MYO15A: variants seen among roughly 807,000 people sequenced by gnomAD.
MYO15A encodes the protein myosin XVA.
MYO15A carries 308 observed loss-of-function variants against 394.6 expected under a neutral mutation model. That is an observed-to-expected ratio of 0.78 (90% CI 0.71 to 0.86). MYO15A has a LOEUF of 0.86. Ranked by LOEUF, MYO15A falls within the 40% of genes least tolerant of loss-of-function variation. MYO15A has a pLI of 0.00. For missense variants in MYO15A, 4,606 were observed against 4,799.1 expected (o/e 0.96, Z 1.19); for synonymous variants, 1,957 against 2,003.8 (o/e 0.98, Z 0.62).
intron 2 of MYO15A, chr17:18,123,815 A>G (rs2045982930): frequency 6.4e-6 from 1 of 157,178 alleles, no homozygotes; most frequent in South Asian, 1.9e-4. Context: ...ACTTCCATTC[A>G]CCAGACCCCC....
intron 62 of MYO15A, among the ~76,000 whole-genome samples, chr17:18,168,370 C>A (rs2046886642): frequency 1.3e-5 from 2 of 151,852 alleles, no homozygotes; most frequent in Non-Finnish European, 2.9e-5. Flanking sequence ...TCGAGACCAT[C>A]CTGGCTAACA....
chr17:18,174,836 T>C (rs2046991626), intron 65 of MYO15A, among the ~76,000 whole-genome samples: 1 of 152,186 alleles, frequency 6.6e-6, no homozygotes. Flanking sequence ...GGGCCTGTCT[T>C]GGAGGGGGTG....
intron 8 of MYO15A, 144 bp downstream of exon 8, chr17:18,130,954 T>C: frequency 1.0e-6 from 1 of 953,708 alleles, no homozygotes; most frequent in Non-Finnish European, 1.6e-6. Context: ...AGGCCTGTCC[T>C]AGGCAGGGCT....
rs183980256 is a variant in MYO15A at position 18,146,711 on chromosome 17, G to A, written c.6509+604G>A. On this transcript the variant is annotated intron_variant, in intron 30 of 65. Coordinates refer to ENST00000647165, the MANE Select transcript of MYO15A (RefSeq NM_016239.4). Reference sequence around the variant, plus strand: ...AGGCCAAGATGGGAGGATCGCTTGAGCCCAGGAGTTGAAGACCAGCCTGGA... The same window carrying A: ...AGGCCAAGATGGGAGGATCGCTTGAACCCAGGAGTTGAAGACCAGCCTGGA... Among the ~76,000 whole-genome samples, 4 of 152,324 alleles carry A rather than the reference G, an allele frequency of 2.6e-5. No individual in the cohort carries two copies. In the East Asian group the frequency reaches 5.8e-4, roughly 22 times the overall value.
At chr17:18,149,916 G>A in intron 35 of MYO15A, 1 of 367,964 alleles carries the variant, frequency 2.7e-6, no homozygotes, top group South Asian at 2.8e-5. Flanking sequence ...TTGCACCACT[G>A]TGCTCCAGCC....
In MYO15A at chr17:18,133,258, G is replaced by T. The variant is rs752313077; in HGVS notation, c.4354G>T (p.Ala1452Ser). 1 of 1,614,088 alleles carries T rather than the reference G, an allele frequency of 6.2e-7. No homozygotes were observed. The highest frequency in any genetic ancestry group is 1.3e-5 in the African/African-American group (1 of 74,930). ...GNCEIAGKSD[A>S]DDFRRLLAAM... is the part of the protein sequence containing the mutation. ...CTGTGAGATAGCAGGAAAGAGCGATGCAGATGACTTTCGCCGGCTCCTGGC... is the reference window on the plus strand; with the variant it reads ...CTGTGAGATAGCAGGAAAGAGCGATTCAGATGACTTTCGCCGGCTCCTGGC... Residue 1452 changes from alanine (A) to serine (S), a missense_variant, in exon 12 of 66, where the codon GCA becomes TCA. Physicochemically the swap from Ala to Ser is moderately conservative, Grantham distance 99 (BLOSUM62 1). Around this residue, in one of 2 missense-constraint regions of MYO15A, gnomAD observed 2,776 missense variants for 3,109.3 expected, o/e 0.89. Coordinates refer to ENST00000647165, the MANE Select transcript of MYO15A (RefSeq NM_016239.4).
chr17:18,118,997 G>A lies in MYO15A; in HGVS notation c.197G>A (p.Gly66Asp). The change falls in exon 2 of 66, where the codon GGC (glycine) becomes GAC (aspartate). Residue 66 changes from glycine to aspartate, a missense_variant. Transcript: ENST00000647165. ...GCCTTCTTCTGGGGCCTCCACACCG[G>A]CCCCCAGAAGACCAAGCGCAAGAGG... ...ASAFFWGLHT[G>D]PQKTKRKRKA... 6.2e-7 allele frequency: 1 copy of A among 1,612,826 alleles called. No individual in the cohort carries two copies. Among genetic ancestry groups the A allele is most frequent in the Non-Finnish European group, 8.5e-7 (1 of 1,179,924 alleles).
intron 47 of MYO15A, 56 bp downstream of exon 47, chr17:18,155,488 G>T: frequency 6.7e-7 from 1 of 1,485,726 alleles, no homozygotes; most frequent in Middle Eastern, 1.8e-4. Flanking sequence ...GACTGGCATC[G>T]GCATTTCCTT....
At position 18,119,614 on chromosome 17, in the gene MYO15A, C is replaced by T; in HGVS notation, c.814C>T (p.Pro272Ser). The change falls in exon 2 of 66, where the codon CCA becomes TCA. Residue 272 changes from proline to serine, a missense_variant. By Grantham distance (74) the Pro-to-Ser change is moderately conservative. Coordinates refer to ENST00000647165, the MANE Select transcript of MYO15A (RefSeq NM_016239.4). ...CCTCGGCCCCTACAGCCCGGCCTGG[C>T]CACCCTACGGCGACCACTACTACGG... ...AGLGPYSPAW[P>S]PYGDHYYGYP... 1 of 1,603,416 alleles carries T rather than the reference C, an allele frequency of 6.2e-7. No homozygotes were observed. Among genetic ancestry groups the T allele is most frequent in the Non-Finnish European group, 8.5e-7 (1 of 1,179,906 alleles).
chr17:18,137,916 C>G, intron 16 of MYO15A, 199 bp from the exon 17 acceptor site: 1 of 867,620 alleles, frequency 1.2e-6, no homozygotes, highest in Non-Finnish European at 1.8e-6. Context: ...TTCTCCTCTA[C>G]TGGGCTGTCC....
intron 1 of MYO15A, among the ~76,000 whole-genome samples, 177 bp from the exon 2 acceptor site, chr17:18,118,405 C>A (rs1032007970): frequency 1.3e-5 from 2 of 152,174 alleles, no homozygotes; most frequent in Non-Finnish European, 2.9e-5. Flanking sequence ...CCGAAGTGAC[C>A]CAAGGGCTCC....
rs1352011087 is a variant in MYO15A, at chr17:18,154,111, C to T, written c.8089-20C>T. ...CCAGGGGGCAGTCGGACAGTACCCA[C>T]TGAAGCCCCGCCCCTGCAGGTGTTT... is the stretch of plus-strand genomic sequence containing the variant. On this transcript the variant is annotated intron_variant, in intron 43 of 65. Transcript: ENST00000647165. 3 of 1,613,804 alleles carry T rather than the reference C, an allele frequency of 1.9e-6. No homozygotes were observed. Among genetic ancestry groups the T allele is most frequent in the Non-Finnish European group, 2.5e-6 (3 of 1,179,992 alleles).
rs1279357381 is a variant in MYO15A at position 18,148,467 on chromosome 17, A to G, written c.6692-29A>G. 6.4e-7 allele frequency: 1 copy of G among 1,551,372 alleles called. No individual in the cohort carries two copies. The highest frequency in any genetic ancestry group is 1.7e-4 in the Middle Eastern group (1 of 5,878). The stretch of plus-strand genomic sequence containing the variant: ...AGCCAAACTGGACTCAGATGCTCCA[A>G]CCTGAGCCCGGCACCTGCTGCGCCC... On this transcript the variant is annotated intron_variant, in intron 31 of 65. Coordinates refer to ENST00000647165, the MANE Select transcript of MYO15A (RefSeq NM_016239.4). This position sits in a 1 kb window ranked among gnomAD's most constrained non-coding sequence, Gnocchi z 4.8.
Position 18,119,686 on chromosome 17 carries a change from G to T in MYO15A, c.886G>T (p.Gly296Cys), listed in dbSNP as rs755830662. ...CGACTACTACCACCCCGACTATTACGGTGGCCCCTTTGATCCGGGGTACAC... is the reference window on the plus strand; with the variant it reads ...CGACTACTACCACCCCGACTATTACTGTGGCCCCTTTGATCCGGGGTACAC... The part of the protein sequence containing the change: ...PYDYYHPDYY[G>C]GPFDPGYTYG... The change falls in exon 2 of 66, where the codon GGT (glycine) becomes TGT (cysteine). Residue 296 changes from glycine (G) to cysteine (C), a missense_variant. By Grantham distance (159) the Gly-to-Cys change is radical (BLOSUM62 -3). Around this residue, in one of 2 missense-constraint regions of MYO15A, gnomAD observed 1,830 missense variants for 1,689.7 expected, o/e 1.08. Coordinates refer to ENST00000647165, the MANE Select transcript of MYO15A (RefSeq NM_016239.4). The T allele has an allele frequency of 6.8e-6, 11 of 1,608,608 alleles. No individual in the cohort carries two copies. Among genetic ancestry groups the T allele is most frequent in the Non-Finnish European group, 9.3e-6 (11 of 1,179,942 alleles).
rs188609046 is a variant in MYO15A, at chr17:18,119,050, T to A, written c.250T>A (p.Ser84Thr). 1.0e-4 allele frequency: 167 copies of A among 1,612,390 alleles called. No individual in the cohort carries two copies. In the East Asian group the frequency reaches 2.3e-3, roughly 22 times the overall value. The change falls in exon 2 of 66, where the codon TCA (serine) becomes ACA (threonine). Residue 84 changes from serine (S) to threonine (T), a missense_variant. Ser to Thr is a moderately conservative substitution (Grantham distance 58). Around this residue, in one of 2 missense-constraint regions of MYO15A, gnomAD observed 1,830 missense variants for 1,689.7 expected, o/e 1.08. Coordinates refer to ENST00000647165, the MANE Select transcript of MYO15A (RefSeq NM_016239.4). ...GGCCCGCACCGTGCTCAAGTCCACGTCAAAGCTCATGACGCAGATGCGCAT... is the reference window on the plus strand; with the variant it reads ...GGCCCGCACCGTGCTCAAGTCCACGACAAAGCTCATGACGCAGATGCGCAT... Reference protein sequence around the residue: ...RKARTVLKSTSKLMTQMRMGK... With the variant: ...RKARTVLKSTTKLMTQMRMGK...
At position 18,178,811 on chromosome 17, in the gene MYO15A, C is replaced by T. The variant is rs369582249; in HGVS notation, c.10534C>T (p.Leu3512=). ...TGTGGTGGCCGTGCACGTGGAGAAC[C>T]TGCTCAGTGCCCATGAGAAGCGGCT... ...CRVVAVHVEN[L]LSAHEKRLTL... Residue 3512 remains leucine (L), a synonymous_variant, in exon 66 of 66, where the codon CTG becomes TTG. Transcript: ENST00000647165. 6.8e-6 allele frequency: 11 copies of T among 1,613,858 alleles called. No individual in the cohort carries two copies. The highest frequency in any genetic ancestry group is 1.7e-5 in the Admixed American group (1 of 59,990).
At position 18,149,371 on chromosome 17, in the gene MYO15A, A is replaced by C; in HGVS notation, c.7112A>C (p.His2371Pro). The C allele has an allele frequency of 6.2e-7, 1 of 1,605,772 alleles. No individual in the cohort carries two copies. The highest frequency in any genetic ancestry group is 8.5e-7 in the Non-Finnish European group (1 of 1,175,884). ...GAGGCCCAAAGAGGGACAGCAACCC[A>C]CCAAGGTCAACCAACAATGGCTGCT... is the stretch of plus-strand genomic sequence containing the variant. The part of the protein sequence containing the change: ...ETEAQRGTAT[H>P]QESDSLGEPA... The change falls in exon 34 of 66, where the codon CAC (histidine) becomes CCC (proline). Residue 2371 changes from histidine to proline, a missense_variant. Transcript: ENST00000647165.
At chr17:18,163,102 C>G in intron 58 of MYO15A, 142 bp from the exon 59 acceptor site, 1 of 851,018 alleles carries the variant, frequency 1.2e-6, no homozygotes. Flanking sequence ...TGCAGACAGG[C>G]CCTGCGCGGT....
chr17:18,162,514 G>T, intron 57 of MYO15A, 71 bp from the exon 58 acceptor site: 1 of 1,386,732 alleles, frequency 7.2e-7, no homozygotes, highest in African/African-American at 1.4e-5. Context: ...CTCATGGTTG[G>T]TGGCAAGAGG....
Sources: gnomAD v4.1 joint callset for allele counts (sites outside exome capture counted in the v4.1 genomes callset) on GRCh38, gnomAD v4.1.1 for gene constraint, gnomAD v4.1.1 regional missense constraint, Gnocchi (gnomAD v3.1) non-coding constraint, MANE v1.5 for transcripts, NCBI Gene and HGNC (gene_info 2026-07-23, HGNC 2026-07-21) for gene names.